The following RASSF8 variants were observed in gnomAD, a reference collection of about 807,000 sequenced individuals.
RASSF8 encodes the protein Ras association domain family member 8, also known as ras association domain-containing protein 8.
Under a neutral mutation model 48.5 loss-of-function variants are expected in RASSF8, and 22 were observed. The ratio of observed to expected loss-of-function variants is 0.45; its 90% CI spans 0.32 to 0.65. The LOEUF is 0.65. RASSF8 is among the 30% of genes least tolerant of loss of function. The probability of loss-of-function intolerance (pLI) is 0.03; values close to 1 mark genes in which losing one functional copy is unlikely to be tolerated. For missense variants in RASSF8, 418 were observed against 489.2 expected, an observed-to-expected ratio of 0.85 and a Z score of 1.37; for synonymous variants, 127 against 171.5, an observed-to-expected ratio of 0.74 and a Z score of 2.03.
chr12:26,055,095 G>T, intron 2 of RASSF8, 141 bp from the exon 3 acceptor site: 1 of 458,832 alleles, frequency 2.2e-6, no homozygotes. Flanking sequence ...CATTTGTGTT[G>T]CTTAATTCAT....
At chr12:26,034,636 G>C (rs1943095014) in intron 2 of RASSF8, among the ~76,000 whole-genome samples, 1 of 151,942 alleles carries the variant, frequency 6.6e-6, no homozygotes, top group South Asian at 2.1e-4. Context: ...TTTCTGACAG[G>C]CTAAGTAACT....
chr12:25,964,829 T>C (rs934937316), intron 1 of RASSF8, among the ~76,000 whole-genome samples: 17 of 152,270 alleles, frequency 1.1e-4, no homozygotes, highest in Admixed American at 9.2e-4. Flanking sequence ...TGGGAAGTTC[T>C]AATACGTTAA....
intron 2 of RASSF8, among the ~76,000 whole-genome samples, chr12:26,042,973 C>A (rs561903388): frequency 6.6e-6 from 1 of 152,130 alleles, no homozygotes; most frequent in African/African-American, 2.4e-5. Context: ...GACATTTTCT[C>A]ATTAGTATTG....
At position 26,069,512 on chromosome 12, in the gene RASSF8, G is replaced by A; in HGVS notation, c.*694G>A. 1.0e-6 allele frequency: 1 copy of A among 985,356 alleles called. No individual in the cohort carries two copies. Among genetic ancestry groups the A allele is most frequent in the Non-Finnish European group, 1.2e-6 (1 of 829,890 alleles). 61.0% of individuals were successfully genotyped at this position (985,356 alleles called of 1,614,324 possible). ...AGAGCATAACAGATATTTTTCATAA[G>A]CTAAATTGTATGTATAAAACATTTG... On this transcript the variant is annotated 3_prime_UTR_variant, in exon 6 of 6. Transcript: ENST00000689635.
intron 2 of RASSF8, among the ~76,000 whole-genome samples, chr12:26,000,436 G>A (rs532784871): frequency 2.0e-5 from 3 of 152,180 alleles, no homozygotes; most frequent in African/African-American, 7.2e-5. Context: ...CAAAAAGGCA[G>A]TCACCTGGGG....
intron 1 of RASSF8, among the ~76,000 whole-genome samples, chr12:25,961,513 G>A (rs1380151220): frequency 6.6e-6 from 1 of 152,078 alleles, no homozygotes; most frequent in Non-Finnish European, 1.5e-5. Flanking sequence ...CAAGTATTCT[G>A]TATAGTGGAA....
rs144436417 is a variant in RASSF8, at chr12:26,033,951, T to C, written c.-108-21285T>C. ...CTCAGTGGATTATTCTGAGTCGTTG[T>C]ATGTGCCTAGCAAAGAGGAAGCACT... On this transcript the variant is annotated intron_variant, in intron 2 of 5. Coordinates refer to ENST00000689635, the MANE Select transcript of RASSF8 (RefSeq NM_001394098.1). 4.4e-3 allele frequency among the ~76,000 whole-genome samples: 666 copies of C among 152,246 alleles called. 4 individuals carry two copies. The highest frequency in any genetic ancestry group is 0.015 in the African/African-American group (642 of 41,530).
chr12:25,967,930 A>G (rs1592213706), intron 1 of RASSF8, among the ~76,000 whole-genome samples: 2 of 152,158 alleles, frequency 1.3e-5, no homozygotes, highest in South Asian at 4.1e-4. Context: ...CACCATGCAC[A>G]CCCTGGATCC....
At chr12:26,050,035 G>C (rs1021749253) in intron 2 of RASSF8, among the ~76,000 whole-genome samples, 1 of 151,962 alleles carries the variant, frequency 6.6e-6, no homozygotes, top group South Asian at 2.1e-4. Context: ...TGCCCGCCTC[G>C]GCCTCCCAAA....
intron 2 of RASSF8, among the ~76,000 whole-genome samples, chr12:26,045,655 CTTGT>C (rs1484384214): frequency 6.6e-6 from 1 of 152,034 alleles, no homozygotes; most frequent in Admixed American, 6.5e-5. Flanking sequence ...TAGAAATGTT[CTTGT>C]TTGTCAGGAT....
At chr12:26,050,015 C>T (rs904212497) in intron 2 of RASSF8, among the ~76,000 whole-genome samples, 6 of 152,130 alleles carry the variant, frequency 3.9e-5, no homozygotes, top group African/African-American at 1.4e-4. Context: ...GATCTCCAGA[C>T]CTCGTGATCT....
intron 1 of RASSF8, among the ~76,000 whole-genome samples, chr12:25,971,835 C>T (rs1941493142): frequency 6.6e-6 from 1 of 152,214 alleles, no homozygotes. Context: ...CAGAGTTTGG[C>T]TCTGGAACTG....
intron 2 of RASSF8, among the ~76,000 whole-genome samples, chr12:26,031,810 T>G (rs183129460): frequency 2.1e-3 from 315 of 152,312 alleles, no homozygotes; most frequent in Non-Finnish European, 3.4e-3. Flanking sequence ...TACAGATATT[T>G]CCATCATTTT....
intron 1 of RASSF8, among the ~76,000 whole-genome samples, chr12:25,961,609 T>G (rs1283116264): frequency 1.3e-5 from 2 of 152,168 alleles, no homozygotes; most frequent in African/African-American, 4.8e-5. Context: ...CCATGCCACT[T>G]CAGCCTCTGT....
At chr12:25,971,978 C>G (rs912144396) in intron 1 of RASSF8, among the ~76,000 whole-genome samples, 6 of 152,212 alleles carry the variant, frequency 3.9e-5, no homozygotes, top group African/African-American at 1.4e-4. Context: ...TCCACTGACT[C>G]TTTAATGGCA....
intron 2 of RASSF8, among the ~76,000 whole-genome samples, chr12:26,009,425 C>T (rs1231862958): frequency 2.0e-5 from 3 of 152,178 alleles, no homozygotes; most frequent in Admixed American, 6.5e-5. Context: ...AAGGCTGTTA[C>T]TGGCATTTAG....
At chr12:26,028,858 C>T (rs537864758) in intron 2 of RASSF8, among the ~76,000 whole-genome samples, 1 of 152,160 alleles carries the variant, frequency 6.6e-6, no homozygotes, top group Non-Finnish European at 1.5e-5. Context: ...ATCTCTTTCT[C>T]TCCAATTCTA....
At chr12:26,074,638 T>C (rs2048609), downstream of RASSF8, among the ~76,000 whole-genome samples, 122,791 of 152,000 alleles carry the variant, frequency 0.81, 49,834 homozygotes, top group African/African-American at 0.88. Context: ...CCACTGCACC[T>C]GGCCGGTTTA....
intron 2 of RASSF8, among the ~76,000 whole-genome samples, chr12:26,007,589 G>A (rs553606056): frequency 7.2e-5 from 11 of 152,186 alleles, no homozygotes; most frequent in Non-Finnish European, 1.5e-4. Flanking sequence ...AGTTTGTAAA[G>A]GTGAGTGGGT....
Sources: gnomAD v4.1 joint callset for allele counts (sites outside exome capture counted in the v4.1 genomes callset) on GRCh38, gnomAD v4.1.1 for gene constraint, MANE v1.5 for transcripts, NCBI Gene and HGNC (gene_info 2026-07-23, HGNC 2026-07-21) for gene names.